The following ERAP1 variants were observed in gnomAD, a reference collection of about 807,000 sequenced individuals.
ERAP1 encodes adipocyte-derived leucine aminopeptidase.
Under a neutral mutation model 103.7 loss-of-function variants are expected in ERAP1, and 86 were observed. The ratio of observed to expected loss-of-function variants is 0.83; its 90% CI spans 0.70 to 0.99. The LOEUF (loss-of-function observed/expected upper bound fraction) is 0.99. Ranked by LOEUF, ERAP1 falls within the 50% of genes least tolerant of loss-of-function variation. The pLI is 0.00. For synonymous variants in ERAP1, 398 were observed against 402.4 expected (o/e 0.99, Z 0.13); for missense variants, 1,009 against 1,128.4 (o/e 0.89, Z 1.52).
chr5:96,844,457 T>TA, the ERAP1 span, among the ~76,000 whole-genome samples: 3 of 152,210 alleles, frequency 2.0e-5, no homozygotes, highest in African/African-American at 7.2e-5. Flanking sequence ...TTTATTTATT[T>TA]TTTGCTTAAG....
the ERAP1 span, among the ~76,000 whole-genome samples, chr5:96,875,054 G>A: frequency 2.0e-5 from 3 of 152,328 alleles, no homozygotes; most frequent in Admixed American, 6.5e-5. Flanking sequence ...ATCTTGAGCA[G>A]TGGGGGAGGC....
In ERAP1 at chr5:96,803,468, G is replaced by T; in HGVS notation, c.459C>A (p.Gly153=). ...ATCCGTGGAAAGTCTCCGAAAGATT[G>T]CCAGCATAGTGAATGACAACTGTGT... ...LPYTVVIHYA[G]NLSETFHGFY... The change falls in exon 2 of 19, where the codon GGC becomes GGA. Residue 153 remains glycine (G), a synonymous_variant. Coordinates refer to ENST00000443439, the MANE Select transcript of ERAP1 (RefSeq NM_001040458.3). The T allele has an allele frequency of 6.2e-7, 1 of 1,613,252 alleles. No individual in the cohort carries two copies. The highest frequency in any genetic ancestry group is 1.3e-5 in the African/African-American group (1 of 74,916).
At chr5:96,773,156 G>A (rs1289698677), downstream of ERAP1, 1 of 153,692 alleles carries the variant, frequency 6.5e-6, no homozygotes, top group Non-Finnish European at 1.5e-5. Context: ...ATAAGATATT[G>A]TACATTGGGC....
the ERAP1 span, among the ~76,000 whole-genome samples, chr5:96,889,986 T>A: frequency 6.6e-6 from 1 of 152,150 alleles, no homozygotes; most frequent in Non-Finnish European, 1.5e-5. Context: ...AAACTATGCT[T>A]CCATCCGTTA....
the ERAP1 span, among the ~76,000 whole-genome samples, chr5:96,848,486 C>A: frequency 1.3e-5 from 2 of 152,126 alleles, no homozygotes; most frequent in Non-Finnish European, 2.9e-5. Context: ...TACAAAGAAT[C>A]ATAAGAGACT....
Position 96,769,441 on chromosome 5 carries a change from G to A in ERAP1, c.2819-6213C>T, listed in dbSNP as rs553306208. The A allele has an allele frequency of 2.3e-4, 34 of 148,376 alleles. No individual in the cohort carries two copies. The South Asian group carries it at 2.4e-3, about 10-fold the overall frequency. 9.2% of individuals were successfully genotyped at this position (148,376 alleles called of 1,614,324 possible). On this transcript the variant is annotated intron_variant, in intron 19 of 19. Transcript: ENST00000296754. ...TGGTACACAAAAGCCAGTCCTGATC[G>A]AGACAAGCTCTATTTTGTTTTTTAA...
the ERAP1 span, among the ~76,000 whole-genome samples, chr5:96,876,832 C>A: frequency 6.6e-6 from 1 of 152,168 alleles, no homozygotes; most frequent in Non-Finnish European, 1.5e-5. Context: ...ATTTAAGGTA[C>A]AGTGCAGTAT....
the ERAP1 span, among the ~76,000 whole-genome samples, chr5:96,817,058 C>G: frequency 2.0e-5 from 3 of 152,008 alleles, 1 homozygote; most frequent in African/African-American, 7.3e-5. Flanking sequence ...AGAGTACAAA[C>G]TCTAAGCAGA....
In ERAP1 at chr5:96,795,070, G is replaced by A. The variant is rs767547771; in HGVS notation, c.891C>T (p.Phe297=). 8 of 1,613,968 alleles carry A rather than the reference G, an allele frequency of 5.0e-6. No homozygotes were observed. The highest frequency in any genetic ancestry group is 6.8e-6 in the Non-Finnish European group (8 of 1,179,976). The change falls in exon 5 of 19, where the codon TTC becomes TTT. Residue 297 remains phenylalanine, a synonymous_variant. Coordinates refer to ENST00000443439, the MANE Select transcript of ERAP1 (RefSeq NM_001040458.3). The part of the protein sequence containing the change: ...VTLLEFYEDY[F]SIPYPLPKQD... The stretch of plus-strand genomic sequence containing the variant: ...GTTTGGGTAGGGGATACGGTATGCT[G>A]AAATAATCCTCATAAAATTCTAGAA...
At chr5:96,879,976 C>T in the ERAP1 span, 152,426 of 1,614,048 alleles carry the variant, frequency 0.094, 7,922 homozygotes, top group Middle Eastern at 0.19. Context: ...CTGAGAAGAT[C>T]GAAGTCTTGG....
intron 3 of ERAP1, 49 bp downstream of exon 3, chr5:96,800,813 G>C: frequency 1.9e-6 from 3 of 1,607,098 alleles, no homozygotes; most frequent in Non-Finnish European, 2.6e-6. Context: ...GCAAGTCACA[G>C]AGAATCAGTA....
At chr5:96,920,813 T>C in the ERAP1 span, among the ~76,000 whole-genome samples, 1 of 152,242 alleles carries the variant, frequency 6.6e-6, no homozygotes, top group Non-Finnish European at 1.5e-5. Flanking sequence ...GGTCTCCAAA[T>C]CATAAGGAAG....
the ERAP1 span, chr5:96,895,358 T>G: frequency 6.3e-7 from 1 of 1,590,790 alleles, no homozygotes; most frequent in South Asian, 1.1e-5. Flanking sequence ...GAGCTGCAAT[T>G]TGTAAGTTCA....
At chr5:96,817,022 G>A in the ERAP1 span, among the ~76,000 whole-genome samples, 1 of 152,198 alleles carries the variant, frequency 6.6e-6, no homozygotes, top group Non-Finnish European at 1.5e-5. Context: ...TGTATAGTAA[G>A]GAATTAATAA....
At chr5:96,853,981 GT>G in the ERAP1 span, among the ~76,000 whole-genome samples, 2 of 152,232 alleles carry the variant, frequency 1.3e-5, no homozygotes, top group South Asian at 4.1e-4. Context: ...TAAAGGACAG[GT>G]AAAAGATGGG....
At chr5:96,902,356 A>G in the ERAP1 span, 5 of 1,594,120 alleles carry the variant, frequency 3.1e-6, no homozygotes, top group South Asian at 5.5e-5. Context: ...AAAGACAGGT[A>G]ATGAACTAAT....
the ERAP1 span, among the ~76,000 whole-genome samples, chr5:96,886,160 GA>G: frequency 1.3e-5 from 2 of 152,136 alleles, no homozygotes; most frequent in Non-Finnish European, 2.9e-5. Flanking sequence ...CCTCACCTGA[GA>G]AACAACACCA....
At chr5:96,829,702 T>A in the ERAP1 span, among the ~76,000 whole-genome samples, 1 of 152,334 alleles carries the variant, frequency 6.6e-6, no homozygotes, top group African/African-American at 2.4e-5. Context: ...GAATTAGTGA[T>A]AGGCTATTTT....
At chr5:96,927,126 G>A in the ERAP1 span, among the ~76,000 whole-genome samples, 3 of 152,138 alleles carry the variant, frequency 2.0e-5, no homozygotes, top group Non-Finnish European at 2.9e-5. Flanking sequence ...CTATGTACAA[G>A]TTTTTGAATG....
Sources: allele counts gnomAD v4.1 joint callset (sites outside exome capture counted in the v4.1 genomes callset), GRCh38; gene constraint gnomAD v4.1.1; transcripts MANE v1.5; gene names NCBI Gene and HGNC (gene_info 2026-07-23, HGNC 2026-07-21).